Variants in SPIRE1 observed in about 807,000 individuals in gnomAD.
The protein encoded by SPIRE1 is protein spire homolog 1.
A neutral mutation model predicts 94.1 loss-of-function variants in SPIRE1; 40 were observed. The observed-to-expected ratio is 0.43, with a 90% CI of 0.33 to 0.55. SPIRE1 has a LOEUF of 0.55. SPIRE1 is among the 20% of genes least tolerant of loss of function. The pLI, the probability that SPIRE1 is intolerant of heterozygous loss-of-function variation, is 0.06. For missense variants in SPIRE1, 838 were observed against 975.2 expected (o/e 0.86, Z 1.87); for synonymous variants, 376 against 371.7 (o/e 1.01, Z -0.13).
chr18:12,486,040 A>G, intron 8 of SPIRE1, 40 bp from the exon 9 acceptor site: 1 of 1,472,786 alleles, frequency 6.8e-7, no homozygotes, highest in East Asian at 2.5e-5. Flanking sequence ...AAAATAATTC[A>G]GCTGTTAGGA....
chr18:12,640,434 T>C (rs1164001528), intron 1 of SPIRE1, among the ~76,000 whole-genome samples: 1 of 152,162 alleles, frequency 6.6e-6, no homozygotes, highest in African/African-American at 2.4e-5. Flanking sequence ...CTTCATTTGT[T>C]CAGTAAATAT....
intron 12 of SPIRE1, among the ~76,000 whole-genome samples, chr18:12,461,498 G>A (rs950697552): frequency 6.1e-5 from 9 of 148,554 alleles, no homozygotes; most frequent in African/African-American, 1.7e-4. Context: ...GTGTATGCAC[G>A]TACATATGTA....
At chr18:12,508,098 A>G (rs2033899731) in intron 5 of SPIRE1, among the ~76,000 whole-genome samples, 1 of 152,210 alleles carries the variant, frequency 6.6e-6, no homozygotes, top group Non-Finnish European at 1.5e-5. Context: ...GTGAGCCGAG[A>G]TAGTGCCACT....
At chr18:12,616,472 T>C (rs2037310950) in intron 2 of SPIRE1, among the ~76,000 whole-genome samples, 1 of 152,158 alleles carries the variant, frequency 6.6e-6, no homozygotes, top group South Asian at 2.1e-4. Context: ...AGGTTTTACT[T>C]GCGGGTGGGT....
At chr18:12,538,867 T>C (rs2034920187) in intron 3 of SPIRE1, among the ~76,000 whole-genome samples, 2 of 152,100 alleles carry the variant, frequency 1.3e-5, no homozygotes, top group Admixed American at 1.3e-4. Context: ...AATCCATCAG[T>C]AAGTCTTGTT....
At chr18:12,454,323 C>T in intron 13 of SPIRE1, 23 bp downstream of exon 13, 1 of 1,612,182 alleles carries the variant, frequency 6.2e-7, no homozygotes, top group Non-Finnish European at 8.5e-7. Context: ...CTCTTCTGAT[C>T]AATCAACTTT....
intron 2 of SPIRE1, among the ~76,000 whole-genome samples, chr18:12,592,885 C>T (rs2036572750): frequency 6.6e-6 from 1 of 152,008 alleles, no homozygotes; most frequent in Non-Finnish European, 1.5e-5. Context: ...TTTTTAGAGA[C>T]AGAGTCTCAC....
chr18:12,658,180 C>T (rs1187228400), upstream of SPIRE1: 4 of 796,676 alleles, frequency 5.0e-6, no homozygotes, highest in African/African-American at 1.9e-5. Flanking sequence ...GGGGGCCGCA[C>T]GGGCCGGGGG....
chr18:12,450,696 G>T, intron 16 of SPIRE1: 1 of 644,512 alleles, frequency 1.6e-6, no homozygotes. Context: ...GCTAAGGGAG[G>T]CAAGAAGAAG....
At chr18:12,551,270 C>T (rs1222996093) in intron 2 of SPIRE1, among the ~76,000 whole-genome samples, 1 of 152,086 alleles carries the variant, frequency 6.6e-6, no homozygotes, top group Non-Finnish European at 1.5e-5. Flanking sequence ...ATAGCAGATG[C>T]TAAATAAATA....
intron 2 of SPIRE1, among the ~76,000 whole-genome samples, chr18:12,628,091 C>T (rs181323576): frequency 6.6e-6 from 1 of 152,088 alleles, no homozygotes; most frequent in South Asian, 2.1e-4. Flanking sequence ...GCTTTTGTTG[C>T]CATTGCTTTT....
intron 2 of SPIRE1, among the ~76,000 whole-genome samples, chr18:12,632,486 G>A (rs760070306): frequency 2.0e-5 from 3 of 152,126 alleles, no homozygotes; most frequent in Non-Finnish European, 2.9e-5. Context: ...TGGCTCTACC[G>A]CCTCACCACT....
At chr18:12,491,270 A>AT (rs1315179475) in intron 8 of SPIRE1, among the ~76,000 whole-genome samples, 2 of 123,628 alleles carry the variant, frequency 1.6e-5, no homozygotes, top group African/African-American at 9.5e-5. Flanking sequence ...TCCTAATGGT[A>AT]TTTTTTACAG....
intron 8 of SPIRE1, 95 bp downstream of exon 8, chr18:12,492,977 G>C (rs2143862344): frequency 7.2e-7 from 1 of 1,386,398 alleles, no homozygotes; most frequent in East Asian, 2.3e-5. Context: ...AAATGAACAA[G>C]GAATGAGAAC....
chr18:12,560,623 G>C (rs186857319), intron 2 of SPIRE1, among the ~76,000 whole-genome samples: 1 of 152,180 alleles, frequency 6.6e-6, no homozygotes, highest in Non-Finnish European at 1.5e-5. Context: ...TGCCAAGGCG[G>C]GCGGATCACT....
At chr18:12,551,565 C>A (rs998319094) in intron 2 of SPIRE1, among the ~76,000 whole-genome samples, 1 of 151,878 alleles carries the variant, frequency 6.6e-6, no homozygotes, top group Non-Finnish European at 1.5e-5. Context: ...ATTAGCCGGG[C>A]GTGGTGACAG....
intron 1 of SPIRE1, among the ~76,000 whole-genome samples, chr18:12,651,180 G>A (rs1375785977): frequency 1.3e-5 from 2 of 152,110 alleles, no homozygotes; most frequent in African/African-American, 2.4e-5. Context: ...GAATTAACCT[G>A]ACATATTTGA....
upstream of SPIRE1, chr18:12,658,436 C>A: frequency 2.5e-6 from 1 of 403,032 alleles, no homozygotes; most frequent in South Asian, 1.8e-5. Context: ...GCCGGGCGCG[C>A]GGTCGGGGGG....
chr18:12,475,173 C>T (rs776076500), intron 10 of SPIRE1, among the ~76,000 whole-genome samples: 8 of 152,164 alleles, frequency 5.3e-5, no homozygotes, highest in Admixed American at 3.9e-4. Context: ...CATCTCATAA[C>T]AAAATGGAAA....
Sources: allele counts gnomAD v4.1 joint callset (sites outside exome capture counted in the v4.1 genomes callset), GRCh38; gene constraint gnomAD v4.1.1; transcripts MANE v1.5; gene names NCBI Gene and HGNC (gene_info 2026-07-23, HGNC 2026-07-21).